Variants in LIMS1 observed in about 807,000 individuals in gnomAD.
LIMS1 encodes the protein LIM zinc finger domain containing 1.
In LIMS1, 18 loss-of-function variants were observed where a neutral mutation model predicts 44.1. That is an observed-to-expected ratio of 0.41 (90% CI 0.28 to 0.61). The LOEUF (loss-of-function observed/expected upper bound fraction) is 0.61. Ranked by LOEUF, LIMS1 falls within the 20% of genes least tolerant of loss-of-function variation. The pLI, the probability that LIMS1 is intolerant of heterozygous loss-of-function variation, is 0.32. For synonymous variants in LIMS1, 93 were observed against 149.1 expected (o/e 0.62, Z 2.74); for missense variants, 201 against 422.0 (o/e 0.48, Z 4.59).
At chr2:108,615,134 A>G (rs1558810778) in intron 1 of LIMS1, among the ~76,000 whole-genome samples, 2 of 152,206 alleles carry the variant, frequency 1.3e-5, no homozygotes, top group South Asian at 2.1e-4. Context: ...AACAATATCT[A>G]AAAAGTGATT....
chr2:108,622,211 T>A (rs924979523), intron 1 of LIMS1, among the ~76,000 whole-genome samples: 3 of 152,224 alleles, frequency 2.0e-5, no homozygotes, highest in Non-Finnish European at 4.4e-5. Flanking sequence ...TTCCTTTTTT[T>A]AAATTACATT....
chr2:108,671,365 AGAGGTATTTTGGGAT>A (rs922402793), intron 3 of LIMS1, among the ~76,000 whole-genome samples: 11 of 152,128 alleles, frequency 7.2e-5, no homozygotes, highest in Admixed American at 7.2e-4. Context: ...CATTTAAGGT[AGAGGTATTTTGGGAT>A]GAACTAGGAC....
chr2:108,607,111 TG>T, intron 1 of LIMS1: 1 of 908,390 alleles, frequency 1.1e-6, no homozygotes, highest in Non-Finnish European at 1.7e-6. Flanking sequence ...ATGAGATTAC[TG>T]CCCTTATAAA....
chr2:108,589,962 ATATG>A, intron 1 of LIMS1, among the ~76,000 whole-genome samples: 1 of 152,214 alleles, frequency 6.6e-6, no homozygotes, highest in Non-Finnish European at 1.5e-5. Context: ...CTTGAGAAGA[ATATG>A]TATTCTGTTG....
At chr2:108,587,729 T>G (rs1686178667) in intron 1 of LIMS1, among the ~76,000 whole-genome samples, 1 of 152,228 alleles carries the variant, frequency 6.6e-6, no homozygotes. Context: ...CCCTTTATTC[T>G]CCAGTGGAAA....
At chr2:108,561,343 T>C (rs1685103934) in intron 1 of LIMS1, among the ~76,000 whole-genome samples, 1 of 152,226 alleles carries the variant, frequency 6.6e-6, no homozygotes, top group Non-Finnish European at 1.5e-5. Flanking sequence ...AAGTGGCCTA[T>C]GAAGTAGGTA....
At chr2:108,621,202 A>ACACACT in intron 1 of LIMS1, 1 of 1,382,202 alleles carries the variant, frequency 7.2e-7, no homozygotes, top group Non-Finnish European at 9.6e-7. Flanking sequence ...AGAAACAGGA[A>ACACACT]GCTGTGCTTC....
At chr2:108,568,694 GTTGTT>G (rs768240435) in intron 1 of LIMS1, among the ~76,000 whole-genome samples, 22 of 152,070 alleles carry the variant, frequency 1.4e-4, no homozygotes, top group Non-Finnish European at 2.5e-4. Flanking sequence ...GTTATTCTTT[GTTGTT>G]TTGTTTTGTT....
chr2:108,680,029 G>A (rs116354553), intron 8 of LIMS1, among the ~76,000 whole-genome samples: 1,828 of 152,040 alleles, frequency 0.012, 43 homozygotes, highest in African/African-American at 0.043. Context: ...GTTCAAGACC[G>A]TCCTGGGAAA....
At chr2:108,583,735 C>G (rs1243880136) in intron 1 of LIMS1, among the ~76,000 whole-genome samples, 2 of 130,590 alleles carry the variant, frequency 1.5e-5, no homozygotes, top group African/African-American at 2.8e-5. Flanking sequence ...CTTACTCTCG[C>G]TCAGGCTGGA....
At position 108,599,434 on chromosome 2, in the gene LIMS1, A is replaced by C. The variant is rs1382375330; in HGVS notation, c.33-60171A>C. 1.8e-4 allele frequency among the ~76,000 whole-genome samples: 27 copies of C among 151,874 alleles called. 1 individual carries two copies. The highest frequency in any genetic ancestry group is 4.4e-5 in the Non-Finnish European group (3 of 67,968). On this transcript the variant is annotated intron_variant, in intron 1 of 9. Transcript: ENST00000544547. Reference sequence around the variant, plus strand: ...TAAGTACCACATTTTTTCTTTATCCACTCATCTGTTGATGGACATTTAGGT... The same window carrying C: ...TAAGTACCACATTTTTTCTTTATCCCCTCATCTGTTGATGGACATTTAGGT...
chr2:108,630,932 G>A (rs932546211), intron 1 of LIMS1, among the ~76,000 whole-genome samples: 7 of 152,206 alleles, frequency 4.6e-5, no homozygotes. Flanking sequence ...AAGTGAAAAT[G>A]GTAATGTAGG....
chr2:108,573,364 C>T (rs1685554498), intron 1 of LIMS1, among the ~76,000 whole-genome samples: 1 of 151,542 alleles, frequency 6.6e-6, no homozygotes, highest in Non-Finnish European at 1.5e-5. Context: ...TAGAGTTTCC[C>T]ACTTGGAATG....
chr2:108,536,585 G>T (rs1473938252), intron 1 of LIMS1, among the ~76,000 whole-genome samples: 1 of 152,162 alleles, frequency 6.6e-6, no homozygotes, highest in African/African-American at 2.4e-5. Flanking sequence ...GGTGTTTGTT[G>T]TTGTTTTTGA....
At chr2:108,585,303 T>G (rs1347771919) in intron 1 of LIMS1, among the ~76,000 whole-genome samples, 1 of 151,960 alleles carries the variant, frequency 6.6e-6, no homozygotes, top group African/African-American at 2.4e-5. Flanking sequence ...TCTGTTGGAT[T>G]TGATTGAAGG....
At chr2:108,618,122 A>G (rs1211822385) in intron 1 of LIMS1, among the ~76,000 whole-genome samples, 3 of 152,192 alleles carry the variant, frequency 2.0e-5, no homozygotes, top group Admixed American at 1.3e-4. Flanking sequence ...GCCATGGGGA[A>G]AATGACGGTG....
chr2:108,583,956 A>G (rs1438514892), intron 1 of LIMS1, among the ~76,000 whole-genome samples: 1 of 151,986 alleles, frequency 6.6e-6, no homozygotes, highest in Non-Finnish European at 1.5e-5. Flanking sequence ...GGCCTCCCAA[A>G]GTGCTGAGAT....
rs552805292 is a variant in LIMS1 at position 108,647,185 on chromosome 2, A to C, written c.33-12420A>C. ...ACTACCATCAGCGAATACTGTAAACACCTCTGCACAAATAAACCAGAAAAT... is the reference window on the plus strand; with the variant it reads ...ACTACCATCAGCGAATACTGTAAACCCCTCTGCACAAATAAACCAGAAAAT... On this transcript the variant is annotated intron_variant, in intron 1 of 9. Coordinates refer to ENST00000544547, the Ensembl canonical transcript of LIMS1. 2.7e-4 allele frequency among the ~76,000 whole-genome samples: 41 copies of C among 152,308 alleles called. 1 individual carries two copies. The South Asian group carries it at 8.3e-3, about 31-fold the overall frequency.
intron 3 of LIMS1, among the ~76,000 whole-genome samples, chr2:108,671,421 T>C (rs1692154507): frequency 6.6e-6 from 1 of 152,296 alleles, no homozygotes; most frequent in Middle Eastern, 3.4e-3. Context: ...GAGTGTTCTT[T>C]TCCTGTGTTA....
Sources: gnomAD v4.1 joint callset for allele counts (sites outside exome capture counted in the v4.1 genomes callset) on GRCh38, gnomAD v4.1.1 for gene constraint, MANE v1.5 for transcripts, NCBI Gene and HGNC (gene_info 2026-07-23, HGNC 2026-07-21) for gene names.